RNF6: variants seen among roughly 807,000 people sequenced by gnomAD.
RNF6 encodes E3 ubiquitin-protein ligase RNF6.
In RNF6, 21 loss-of-function variants were observed where a neutral mutation model predicts 50.1. The ratio of observed to expected loss-of-function variants is 0.42; its 90% CI spans 0.30 to 0.60. RNF6 has a LOEUF of 0.60. Ranked by LOEUF, RNF6 falls within the 20% of genes least tolerant of loss-of-function variation. RNF6 has a pLI of 0.20. For synonymous variants in RNF6, 255 were observed against 291.8 expected (o/e 0.87, Z 1.29); for missense variants, 698 against 838.2 (o/e 0.83, Z 2.07).
downstream of RNF6, among the ~76,000 whole-genome samples, chr13:26,210,585 A>G (rs118062667): frequency 4.6e-3 from 700 of 152,368 alleles, 4 homozygotes; most frequent in Non-Finnish European, 8.0e-3. Context: ...ATATGATAGA[A>G]CAAAGTTGTA....
chr13:26,196,742 A>C (rs1481454566), intron 5 of RNF6, among the ~76,000 whole-genome samples: 1 of 4,392 alleles, frequency 2.3e-4, no homozygotes, highest in East Asian at 0.25. Context: ...CTGAAGGGAA[A>C]GTATACAGAT....
At chr13:26,156,324 G>A (rs1197799712) in intron 5 of RNF6, among the ~76,000 whole-genome samples, 1 of 152,188 alleles carries the variant, frequency 6.6e-6, no homozygotes, top group Middle Eastern at 3.2e-3. Context: ...GAAGACACAA[G>A]TGCTATAAGC....
intron 5 of RNF6, among the ~76,000 whole-genome samples, chr13:26,163,311 C>CAA (rs558036974): frequency 3.2e-4 from 45 of 138,762 alleles, no homozygotes; most frequent in Middle Eastern, 3.8e-3. Flanking sequence ...GACTCCGTCT[C>CAA]AAAAAAAAAA....
chr13:26,152,063 C>T (rs1269501214), intron 5 of RNF6, among the ~76,000 whole-genome samples: 1 of 152,172 alleles, frequency 6.6e-6, no homozygotes, highest in Non-Finnish European at 1.5e-5. Context: ...AACCTGGCCT[C>T]GGCTAACACC....
rs151048544 is a variant in RNF6 at position 26,143,812 on chromosome 13, A to G, written n.769-11361T>C. Among the ~76,000 whole-genome samples the G allele has an allele frequency of 1.5e-3, 226 of 152,292 alleles. No homozygotes were observed. In the South Asian group the frequency reaches 0.015, roughly 10 times the overall value. Reference sequence around the variant, plus strand: ...CGTGGTAAGACTAGTGAATTCCATGAGCATGGGCCCATTGCCACACTTCAT... The same window carrying G: ...CGTGGTAAGACTAGTGAATTCCATGGGCATGGGCCCATTGCCACACTTCAT... On this transcript the variant is annotated intron_variant and non_coding_transcript_variant, in intron 5 of 5. Coordinates refer to the RNF6 transcript ENST00000468480.
intron 5 of RNF6, among the ~76,000 whole-genome samples, chr13:26,181,902 T>C (rs1873260997): frequency 6.6e-6 from 1 of 152,208 alleles, no homozygotes; most frequent in South Asian, 2.1e-4. Context: ...GCTGAAGTCA[T>C]TTCTCTTCAA....
chr13:26,187,281 G>A (rs1180081047), intron 5 of RNF6, among the ~76,000 whole-genome samples: 1 of 152,160 alleles, frequency 6.6e-6, no homozygotes, highest in African/African-American at 2.4e-5. Flanking sequence ...AAGGGGGAAA[G>A]CCCTGGAAAA....
chr13:26,166,489 A>G (rs902622817), intron 5 of RNF6, among the ~76,000 whole-genome samples: 3 of 152,226 alleles, frequency 2.0e-5, no homozygotes, highest in Non-Finnish European at 4.4e-5. Context: ...TTCAGCTGAT[A>G]AACAATTTCA....
Position 26,194,493 on chromosome 13 carries a change from T to A in RNF6, n.768+20981A>T, listed in dbSNP as rs147085889. Among the ~76,000 whole-genome samples the A allele has an allele frequency of 2.9e-3, 446 of 152,238 alleles. 2 individuals carry two copies. The highest frequency in any genetic ancestry group is 0.01 in the African/African-American group (421 of 41,520). ...CTTCACCTCACCCTATACCTTATCA[T>A]CACATCACTAAAGGCCTGTTTACTG... is the stretch of plus-strand genomic sequence containing the variant. On this transcript the variant is annotated intron_variant and non_coding_transcript_variant, in intron 5 of 5. Transcript: ENST00000468480.
intron 5 of RNF6, among the ~76,000 whole-genome samples, chr13:26,141,375 C>T (rs1270086140): frequency 1.3e-5 from 2 of 148,256 alleles, no homozygotes; most frequent in Admixed American, 1.4e-4. Context: ...TTGCAGTGAG[C>T]AGAGGTTGTG....
chr13:26,204,990 C>T (rs1490596481), intron 5 of RNF6, among the ~76,000 whole-genome samples: 1 of 152,170 alleles, frequency 6.6e-6, no homozygotes, highest in African/African-American at 2.4e-5. Context: ...AGCTGCAGAG[C>T]TGAAGCCTGG....
chr13:26,209,106 T>C (rs1022689012), downstream of RNF6, among the ~76,000 whole-genome samples: 4 of 152,196 alleles, frequency 2.6e-5, no homozygotes, highest in Admixed American at 2.6e-4. Context: ...GGAAAGTGTA[T>C]TGTCAAAAAG....
intron 5 of RNF6, among the ~76,000 whole-genome samples, chr13:26,201,535 C>T (rs1868898725): frequency 6.6e-6 from 1 of 152,160 alleles, no homozygotes; most frequent in Non-Finnish European, 1.5e-5. Context: ...TGAGAATATT[C>T]CATTTGCAGA....
chr13:26,188,508 C>T (rs887524089), intron 5 of RNF6, among the ~76,000 whole-genome samples: 3 of 151,472 alleles, frequency 2.0e-5, no homozygotes, highest in African/African-American at 7.3e-5. Context: ...ATTCCAGTCA[C>T]TGCATAAGCC....
chr13:26,210,248 T>A (rs181663691), downstream of RNF6, among the ~76,000 whole-genome samples: 28 of 152,346 alleles, frequency 1.8e-4, no homozygotes, highest in East Asian at 5.2e-3. Context: ...AGCCACCTAC[T>A]ACTGCAAAGT....
At chr13:26,193,977 C>T (rs1254897313) in intron 5 of RNF6, among the ~76,000 whole-genome samples, 10 of 151,970 alleles carry the variant, frequency 6.6e-5, no homozygotes, top group East Asian at 1.9e-4. Context: ...AGAATAAGAA[C>T]GGAACAGAAA....
In RNF6 at chr13:26,218,521, C is replaced by T. The variant is rs150563164; in HGVS notation, c.279G>A (p.Thr93=). 568 of 1,613,106 alleles carry T rather than the reference C, an allele frequency of 3.5e-4. No homozygotes were observed. Among genetic ancestry groups the T allele is most frequent in the Non-Finnish European group, 4.5e-4 (525 of 1,179,282 alleles). ...LASQPDLRDG[T]NYRDSEVPRE... ...AGGACTCCATAGTACCTCTGTAATT[C>T]GTTCCATCTCTCAAGTCAGGCTGAG... is the stretch of plus-strand genomic sequence containing the variant. The change falls in exon 4 of 5, where the codon ACG becomes ACA. Residue 93 remains threonine, a synonymous_variant. Transcript: ENST00000381588.
At chr13:26,187,754 C>T (rs998014920) in intron 5 of RNF6, among the ~76,000 whole-genome samples, 16 of 152,192 alleles carry the variant, frequency 1.1e-4, no homozygotes, top group African/African-American at 2.4e-5. Flanking sequence ...AAGACAGTCT[C>T]TATCTGTTGC....
chr13:26,213,179 CCT>C lies in RNF6; in HGVS notation c.*643_*644del, dbSNP rs1429128184. 7.9e-5 allele frequency: 12 copies of C among 152,620 alleles called. No homozygotes were observed. In the South Asian group the frequency reaches 2.3e-3, roughly 29 times the overall value. 9.5% of individuals were successfully genotyped at this position (152,620 alleles called of 1,614,324 possible). ...CTACTTTAAAATTATATCTGAATCC[CCT>C]TTCTCTGAGATGAACTTGCCAATAT... On this transcript the variant is annotated 3_prime_UTR_variant, in exon 5 of 5. Transcript: ENST00000381588.
Sources: gnomAD v4.1 joint callset for allele counts (sites outside exome capture counted in the v4.1 genomes callset) on GRCh38, gnomAD v4.1.1 for gene constraint, MANE v1.5 for transcripts, NCBI Gene and HGNC (gene_info 2026-07-23, HGNC 2026-07-21) for gene names.